Variants in SLC12A7 observed in about 807,000 individuals in gnomAD.
SLC12A7 encodes the protein solute carrier family 12 member 7, also known as K-Cl cotransporter 4.
A neutral mutation model predicts 120.6 loss-of-function variants in SLC12A7; 100 were observed. The observed-to-expected ratio is 0.83, with a 90% confidence interval of 0.71 to 0.98. The LOEUF is 0.98. SLC12A7 is among the 50% of genes least tolerant of loss of function. SLC12A7 has a pLI of 0.00. For synonymous variants in SLC12A7, 760 were observed against 678.0 expected (o/e 1.12, Z -1.88); for missense variants, 1,373 against 1,548.1 (o/e 0.89, Z 1.90).
intron 20 of SLC12A7, 97 bp from the exon 21 acceptor site, chr5:1,060,548 G>T: frequency 1.1e-6 from 1 of 903,674 alleles, no homozygotes. Context: ...CGCCCTGAGC[G>T]GTGGGAAAGG....
rs780667007 is a variant in SLC12A7, at chr5:1,065,376, C to T, written c.2344G>A (p.Gly782Ser). Residue 782 changes from glycine (G) to serine (S), a missense_variant, in exon 18 of 24, where the codon GGC (glycine) becomes AGC (serine). Gly to Ser is a moderately conservative substitution (Grantham distance 56, BLOSUM62 0). Transcript: ENST00000264930. Reference protein sequence around the residue: ...DGMSHLIQSAGLGGLKHNTVL... With the variant: ...DGMSHLIQSASLGGLKHNTVL... ...GTGTTGTGCTTCAGGCCGCCCAGGCCGGCCGACTGGATCAGGTGGGACATG... is the reference window on the plus strand; with the variant it reads ...GTGTTGTGCTTCAGGCCGCCCAGGCTGGCCGACTGGATCAGGTGGGACATG... 28 of 1,612,428 alleles carry T rather than the reference C, an allele frequency of 1.7e-5. No homozygotes were observed. The highest frequency in any genetic ancestry group is 2.3e-5 in the Non-Finnish European group (27 of 1,179,596).
intron 17 of SLC12A7, among the ~76,000 whole-genome samples, chr5:1,067,810 T>C (rs1407505862): frequency 1.3e-5 from 2 of 149,540 alleles, no homozygotes; most frequent in African/African-American, 5.1e-5. Context: ...GGAGACCCTG[T>C]TATCACAAGT....
the SLC12A7 span, among the ~76,000 whole-genome samples, chr5:1,119,905 C>T: frequency 5.3e-5 from 8 of 152,234 alleles, no homozygotes; most frequent in Admixed American, 5.2e-4. Flanking sequence ...CTTCTGCCTC[C>T]CCGCAAAAAT....
chr5:1,073,513 AAC>A (rs1737941106), intron 17 of SLC12A7, 118 bp downstream of exon 17: 4 of 1,163,894 alleles, frequency 3.4e-6, no homozygotes, highest in African/African-American at 1.6e-5. Context: ...CCACGGCTAA[AAC>A]ACAGCAGCGC....
At chr5:1,064,727 T>C (rs1374485895) in intron 18 of SLC12A7, among the ~76,000 whole-genome samples, 9 of 87,982 alleles carry the variant, frequency 1.0e-4, no homozygotes, top group African/African-American at 3.7e-4. Flanking sequence ...GAGGAGACGG[T>C]GAAGGGACAG....
the SLC12A7 span, among the ~76,000 whole-genome samples, chr5:1,119,972 C>A: frequency 6.6e-6 from 1 of 152,240 alleles, no homozygotes; most frequent in Non-Finnish European, 1.5e-5. Context: ...CAGCTGGGAC[C>A]CCCCCATAGG....
chr5:1,056,661 A>G, intron 22 of SLC12A7: 1 of 873,652 alleles, frequency 1.1e-6, no homozygotes, highest in South Asian at 5.2e-5. Context: ...GCTGTTCCAG[A>G]TCGCATGGCT....
In SLC12A7 at chr5:1,088,208, G is replaced by T. The variant is rs556602157; in HGVS notation, c.544+98C>A. 1.4e-4 allele frequency: 181 copies of T among 1,269,632 alleles called. No individual in the cohort carries two copies. In the African/African-American group the frequency reaches 2.2e-3, roughly 16 times the overall value. 78.6% of individuals were successfully genotyped at this position (1,269,632 alleles called of 1,614,324 possible). ...CGGCTGAGACCCCCAGGCAGCCCCC[G>T]GCCCGGCCTCGCCAAGCGGCCTCCT... On this transcript the variant is annotated intron_variant, in intron 5 of 23. Transcript: ENST00000264930.
Position 1,060,432 on chromosome 5 carries a change from G to A in SLC12A7, c.2759C>T (p.Ala920Val). 6.2e-7 allele frequency: 1 copy of A among 1,613,464 alleles called. No homozygotes were observed. The highest frequency in any genetic ancestry group is 2.2e-5 in the East Asian group (1 of 44,886). ...CATTAGTGTCCTCTCGTAGGTGAAA[G>A]CAGATATGTCGTTTTCAACCTAGAA... ...VVEMVENDIS[A>V]FTYERTLMME... is the part of the protein sequence containing the mutation. Residue 920 changes from alanine (A) to valine (V), a missense_variant, in exon 21 of 24, where the codon GCT becomes GTT. Physicochemically the swap from Ala to Val is moderately conservative, Grantham distance 64. Coordinates refer to ENST00000264930, the MANE Select transcript of SLC12A7 (RefSeq NM_006598.3).
At chr5:1,075,626 G>A (rs138767360) in intron 14 of SLC12A7, 136 bp from the exon 15 acceptor site, 48 of 1,334,480 alleles carry the variant, frequency 3.6e-5, no homozygotes, top group Middle Eastern at 5.2e-4. Flanking sequence ...GACGCCTGAC[G>A]ACCATGGCTG....
At chr5:1,076,034 G>T (rs1738290515) in intron 14 of SLC12A7, 104 bp downstream of exon 14, 2 of 957,590 alleles carry the variant, frequency 2.1e-6, no homozygotes, top group African/African-American at 3.3e-5. Flanking sequence ...CAGTGTCCCA[G>T]CCTGTGGGGC....
chr5:1,106,886 G>A lies in SLC12A7; in HGVS notation c.124+4982C>T, dbSNP rs982467740. On this transcript the variant is annotated intron_variant, in intron 1 of 23. Transcript: ENST00000264930. ...CAGTTGTGATGAAACTCACACTGACGGTGGAAATGACAGCTCATCCTCACG... is the reference window on the plus strand; with the variant it reads ...CAGTTGTGATGAAACTCACACTGACAGTGGAAATGACAGCTCATCCTCACG... Among the ~76,000 whole-genome samples, 7 of 152,206 alleles carry A rather than the reference G, an allele frequency of 4.6e-5. No homozygotes were observed. In the East Asian group the frequency reaches 5.8e-4, roughly 13 times the overall value.
chr5:1,091,599 G>A (rs1740500925), intron 3 of SLC12A7, among the ~76,000 whole-genome samples: 1 of 152,212 alleles, frequency 6.6e-6, no homozygotes, highest in Admixed American at 6.5e-5. Context: ...TCAAGGTAGT[G>A]CCCAGCATGC....
chr5:1,139,565 G>A, the SLC12A7 span, among the ~76,000 whole-genome samples: 7 of 152,264 alleles, frequency 4.6e-5, no homozygotes, highest in African/African-American at 1.2e-4. Context: ...AGGTTGCCTC[G>A]AGAACTGTTT....
At chr5:1,108,918 C>T (rs1251571675) in intron 1 of SLC12A7, among the ~76,000 whole-genome samples, 2 of 152,176 alleles carry the variant, frequency 1.3e-5, no homozygotes, top group South Asian at 4.1e-4. Context: ...GGCAGGACCG[C>T]CCCTGGACAA....
At chr5:1,119,970 AC>A in the SLC12A7 span, among the ~76,000 whole-genome samples, 2 of 151,570 alleles carry the variant, frequency 1.3e-5, no homozygotes, top group Admixed American at 6.6e-5. Flanking sequence ...GGCAGCTGGG[AC>A]CCCCCCATAG....
At chr5:1,135,461 A>T in the SLC12A7 span, among the ~76,000 whole-genome samples, 2 of 152,270 alleles carry the variant, frequency 1.3e-5, no homozygotes, top group African/African-American at 4.8e-5. Context: ...GGTGCAGTCA[A>T]CTGTGGGTGA....
intron 17 of SLC12A7, among the ~76,000 whole-genome samples, chr5:1,073,274 C>T (rs1305121714): frequency 7.2e-6 from 1 of 138,944 alleles, no homozygotes; most frequent in African/African-American, 3.1e-5. Context: ...CAGTGAGCCC[C>T]CAGCACACGG....
Position 1,053,397 on chromosome 5 carries a change from G to A in SLC12A7, c.3112C>T (p.Leu1038=). Reference sequence around the variant, plus strand: ...TTGGGAGGACCTGGCATGTTGAGCAGGACCAGCTGCGCATCCTGGGACTTG... The same window carrying A: ...TTGGGAGGACCTGGCATGTTGAGCAAGACCAGCTGCGCATCCTGGGACTTG... ...LNKSQDAQLV[L]LNMPGPPKNR... is the part of the protein sequence containing the mutation. The change falls in exon 23 of 24, where the codon CTG becomes TTG. Residue 1038 remains leucine (L), a synonymous_variant. Transcript: ENST00000264930. 1 of 1,614,042 alleles carries A rather than the reference G, an allele frequency of 6.2e-7. No homozygotes were observed. The highest frequency in any genetic ancestry group is 8.5e-7 in the Non-Finnish European group (1 of 1,180,016).
Sources: allele counts gnomAD v4.1 joint callset (sites outside exome capture counted in the v4.1 genomes callset), GRCh38; gene constraint gnomAD v4.1.1; transcripts MANE v1.5; gene names NCBI Gene and HGNC (gene_info 2026-07-23, HGNC 2026-07-21).